CACNA1C: variants seen among roughly 807,000 people sequenced by gnomAD.
The protein encoded by CACNA1C is voltage-dependent L-type calcium channel subunit alpha-1C.
A neutral mutation model predicts 229.0 loss-of-function variants in CACNA1C; 30 were observed. That is an observed-to-expected ratio of 0.13 (90% CI 0.10 to 0.18). The LOEUF is 0.18. CACNA1C is among the 10% of genes least tolerant of loss of function. CACNA1C has a pLI of 1.00. For synonymous variants in CACNA1C, 1,114 were observed against 1,132.5 expected, an observed-to-expected ratio of 0.98 and a Z score of 0.33; for missense variants, 1,658 against 2,845.0, an observed-to-expected ratio of 0.58 and a Z score of 9.49.
intron 3 of CACNA1C, among the ~76,000 whole-genome samples, chr12:2,396,598 G>A (rs1035611889): frequency 6.6e-6 from 1 of 152,190 alleles, no homozygotes; most frequent in Non-Finnish European, 1.5e-5. Flanking sequence ...AAAACTTAGG[G>A]CCCTTGTGAA....
At chr12:1,986,591 G>C (rs911806834) in intron 1 of CACNA1C, among the ~76,000 whole-genome samples, 2 of 152,084 alleles carry the variant, frequency 1.3e-5, no homozygotes, top group African/African-American at 2.4e-5. Flanking sequence ...TCACGGTAGG[G>C]GTAGAAGAGT....
At chr12:2,622,745 T>A (rs965220765) in intron 29 of CACNA1C, among the ~76,000 whole-genome samples, 1 of 152,212 alleles carries the variant, frequency 6.6e-6, no homozygotes. Flanking sequence ...TACAGCTCTC[T>A]TCTTTCCTTC....
At chr12:2,269,616 G>A (rs1409644125) in intron 3 of CACNA1C, among the ~76,000 whole-genome samples, 2 of 152,214 alleles carry the variant, frequency 1.3e-5, no homozygotes, top group Non-Finnish European at 2.9e-5. Context: ...TGTGTTTTCT[G>A]TATAAGCTGT....
At chr12:2,086,981 G>A (rs1372280042) in intron 1 of CACNA1C, among the ~76,000 whole-genome samples, 5 of 152,136 alleles carry the variant, frequency 3.3e-5, no homozygotes, top group Non-Finnish European at 5.9e-5. Flanking sequence ...TCTGGACCTC[G>A]TGATTCCCAG....
At chr12:2,059,505 AC>A (rs1250843926) in intron 1 of CACNA1C, among the ~76,000 whole-genome samples, 1 of 151,440 alleles carries the variant, frequency 6.6e-6, no homozygotes, top group Non-Finnish European at 1.5e-5. Flanking sequence ...CTGGCAAGAA[AC>A]CCAAACCTCT....
chr12:2,669,423 TGTGGCCCATGGGCTGCAG>T lies in CACNA1C; in HGVS notation c.4726+391_4726+408del, dbSNP rs549558393. Among the ~76,000 whole-genome samples, 52 of 152,350 alleles carry T rather than the reference TGTGGCCCATGGGCTGCAG, an allele frequency of 3.4e-4. No homozygotes were observed. The South Asian group carries it at 0.011, about 31-fold the overall frequency. On this transcript the variant is annotated intron_variant, in intron 38 of 46. Transcript: ENST00000399655. ...ACATTCAAAGCCGTCCTGGGCCGCA[TGTGGCCCATGGGCTGCAG>T]GTTAGACAAGCCTGCTCTAGCTTAT...
chr12:2,061,601 C>T (rs980032697), intron 1 of CACNA1C, among the ~76,000 whole-genome samples: 1 of 152,108 alleles, frequency 6.6e-6, no homozygotes, highest in Admixed American at 6.5e-5. Flanking sequence ...GCAGGGTATC[C>T]GACGCCTGGC....
intron 3 of CACNA1C, among the ~76,000 whole-genome samples, chr12:2,208,301 A>G (rs1470570333): frequency 6.6e-6 from 1 of 152,226 alleles, no homozygotes; most frequent in East Asian, 1.9e-4. Context: ...AAAAGTTACA[A>G]TGTGCTAAAA....
chr12:2,252,850 G>C (rs2076092181), intron 3 of CACNA1C, among the ~76,000 whole-genome samples: 1 of 151,202 alleles, frequency 6.6e-6, no homozygotes, highest in South Asian at 2.1e-4. Context: ...ACTTTGCTGG[G>C]TCCATGGGTT....
At position 2,417,012 on chromosome 12, in the gene CACNA1C, G is replaced by C. The variant is rs570763692; in HGVS notation, c.478-31964G>C. The stretch of plus-strand genomic sequence containing the variant: ...TGACTGCCTCTCCCTGTTGTGGAAA[G>C]TCTTGTTCCGTACACACCTCTCTTA... On this transcript the variant is annotated intron_variant, in intron 3 of 46. Coordinates refer to ENST00000399655, the MANE Select transcript of CACNA1C (RefSeq NM_000719.7). Among the ~76,000 whole-genome samples the C allele has an allele frequency of 8.5e-5, 13 of 152,336 alleles. No homozygotes were observed. In the South Asian group the frequency reaches 2.7e-3, roughly 32 times the overall value.
intron 3 of CACNA1C, among the ~76,000 whole-genome samples, chr12:2,422,150 TC>T (rs1370615543): frequency 2.6e-5 from 4 of 152,184 alleles, no homozygotes; most frequent in Non-Finnish European, 4.4e-5. Flanking sequence ...AAGTGATTCT[TC>T]CTCCATGAGA....
chr12:2,524,741 C>T (rs563752803), intron 9 of CACNA1C, among the ~76,000 whole-genome samples: 1 of 152,360 alleles, frequency 6.6e-6, no homozygotes, highest in South Asian at 2.1e-4. Flanking sequence ...CTGCTGGAGG[C>T]TTCAGCAGCC....
intron 1 of CACNA1C, among the ~76,000 whole-genome samples, chr12:2,059,583 C>T (rs1275073195): frequency 6.6e-6 from 1 of 152,108 alleles, no homozygotes; most frequent in Non-Finnish European, 1.5e-5. Context: ...TTAAAATGGG[C>T]TTCTTGTGCT....
intron 3 of CACNA1C, among the ~76,000 whole-genome samples, chr12:2,283,100 A>G (rs2091848265): frequency 6.6e-6 from 1 of 151,956 alleles, no homozygotes. Flanking sequence ...CTACACAAGG[A>G]TCCCCTGGGA....
At chr12:2,366,761 G>T (rs572852762) in intron 3 of CACNA1C, among the ~76,000 whole-genome samples, 2 of 152,262 alleles carry the variant, frequency 1.3e-5, no homozygotes, top group Admixed American at 1.3e-4. Context: ...AAGAAAAGAG[G>T]TTTAATTGAC....
chr12:2,077,052 G>A (rs534331208), intron 1 of CACNA1C, among the ~76,000 whole-genome samples: 1 of 152,222 alleles, frequency 6.6e-6, no homozygotes, highest in Admixed American at 6.5e-5. Context: ...TCATTACAAC[G>A]CATTGCCCAC....
Position 2,646,056 on chromosome 12 carries a change from T to C in CACNA1C, c.3913-2419T>C, listed in dbSNP as rs1272779043. ...CATTATAGAGACATGCCATAGGAAA[T>C]GTTAAATCAATACATGTTACTAAAA... On this transcript the variant is annotated intron_variant, in intron 30 of 46. Transcript: ENST00000399655. The surrounding 1 kb of genome is among the most constrained non-coding windows in gnomAD (Gnocchi z 4.6). Among the ~76,000 whole-genome samples, 2 of 152,170 alleles carry C rather than the reference T, an allele frequency of 1.3e-5. No individual in the cohort carries two copies. The highest frequency in any genetic ancestry group is 2.9e-5 in the Non-Finnish European group (2 of 68,032).
At chr12:2,573,471 A>C (rs952870878) in intron 13 of CACNA1C, among the ~76,000 whole-genome samples, 1 of 152,244 alleles carries the variant, frequency 6.6e-6, no homozygotes, top group African/African-American at 2.4e-5. Context: ...AAATTCCTAC[A>C]CATCTGTGTA....
In CACNA1C at chr12:2,507,282, A is replaced by G. The variant is rs116741976; in HGVS notation, c.1217+2337A>G. 1.7e-3 allele frequency among the ~76,000 whole-genome samples: 257 copies of G among 152,250 alleles called. 1 individual carries two copies. The highest frequency in any genetic ancestry group is 5.9e-3 in the African/African-American group (246 of 41,544). On this transcript the variant is annotated intron_variant, in intron 8 of 46. Transcript: ENST00000399655. ...GCTTCCTTGGCCAAAGGTCTGCCCT[A>G]AAGAGCAAAGATGTGTGTATGGGCG...
Sources: gnomAD v4.1 joint callset for allele counts (sites outside exome capture counted in the v4.1 genomes callset) on GRCh38, gnomAD v4.1.1 for gene constraint, Gnocchi (gnomAD v3.1) non-coding constraint, MANE v1.5 for transcripts, NCBI Gene and HGNC (gene_info 2026-07-23, HGNC 2026-07-21) for gene names.